CADPS2: variants seen among roughly 807,000 people sequenced by gnomAD.
CADPS2 encodes calcium dependent secretion activator 2, also known as calcium-dependent secretion activator 2.
CADPS2 carries 93 observed loss-of-function variants against 172.5 expected under a neutral mutation model. The observed-to-expected ratio is 0.54, with a 90% CI of 0.46 to 0.64. The LOEUF is 0.64. Ranked by LOEUF, CADPS2 falls within the 30% of genes least tolerant of loss-of-function variation. CADPS2 has a pLI of 0.00. For missense variants in CADPS2, 1,420 were observed against 1,565.9 expected (o/e 0.91, Z 1.57); for synonymous variants, 546 against 555.2 (o/e 0.98, Z 0.23).
intron 1 of CADPS2, among the ~76,000 whole-genome samples, chr7:122,860,758 G>A (rs1301050377): frequency 6.6e-6 from 1 of 151,870 alleles, no homozygotes; most frequent in Admixed American, 6.6e-5. Context: ...CCCAGCCCTT[G>A]GTAACCACTA....
At chr7:122,631,374 T>G (rs576669795) in intron 3 of CADPS2, among the ~76,000 whole-genome samples, 1 of 152,184 alleles carries the variant, frequency 6.6e-6, no homozygotes, top group Non-Finnish European at 1.5e-5. Flanking sequence ...CTTACTTAAG[T>G]GTAAGTGAAA....
intron 19 of CADPS2, chr7:122,409,565 T>C: frequency 2.3e-6 from 1 of 443,894 alleles, no homozygotes. Context: ...TCTCAAGTTG[T>C]ACTCCTGATG....
intron 7 of CADPS2, among the ~76,000 whole-genome samples, chr7:122,555,133 T>C (rs951312390): frequency 7.2e-5 from 11 of 152,108 alleles, no homozygotes; most frequent in African/African-American, 2.7e-4. Flanking sequence ...AATATTATCA[T>C]TGTAAAATAG....
chr7:122,639,410 A>T (rs2077377460), intron 3 of CADPS2, among the ~76,000 whole-genome samples: 1 of 152,222 alleles, frequency 6.6e-6, no homozygotes, highest in South Asian at 2.1e-4. Flanking sequence ...TGCTCTTCCC[A>T]GTTTTCCCTA....
chr7:122,496,203 C>T (rs763557858), intron 9 of CADPS2, among the ~76,000 whole-genome samples: 1 of 151,954 alleles, frequency 6.6e-6, no homozygotes, highest in Admixed American at 6.6e-5. Context: ...GCTCTGTAGC[C>T]CAGGCTGGAG....
intron 27 of CADPS2, among the ~76,000 whole-genome samples, chr7:122,350,935 T>C (rs970515989): frequency 4.6e-5 from 7 of 151,974 alleles, no homozygotes; most frequent in African/African-American, 1.7e-4. Flanking sequence ...CCCTCTAGCC[T>C]GGGTGACAAA....
In CADPS2 at chr7:122,695,570, G is replaced by C. The variant is rs188175355; in HGVS notation, c.454-32001C>G. On this transcript the variant is annotated intron_variant, in intron 2 of 29. Transcript: ENST00000449022. ...GACATAAAAGAAACAGCTATGTAAA[G>C]TGCTTAGTCCTCTACCTGGCACATG... Among the ~76,000 whole-genome samples the C allele has an allele frequency of 4.2e-3, 646 of 152,274 alleles. 1 individual carries two copies. Among genetic ancestry groups the C allele is most frequent in the Non-Finnish European group, 7.3e-3 (497 of 68,020 alleles).
rs558983995 is a variant in CADPS2, at chr7:122,809,646, G to C, written c.340-72578C>G. 2.0e-5 allele frequency among the ~76,000 whole-genome samples: 3 copies of C among 151,334 alleles called. No homozygotes were observed. In the East Asian group the frequency reaches 5.8e-4, roughly 29 times the overall value. On this transcript the variant is annotated intron_variant, in intron 1 of 29. Coordinates refer to ENST00000449022, the MANE Select transcript of CADPS2 (RefSeq NM_017954.11). Reference sequence around the variant, plus strand: ...ATGATGTTCCCCAGTTAAATATTTTGGTCTAATTTGGCAATTTTATAATGG... The same window carrying C: ...ATGATGTTCCCCAGTTAAATATTTTCGTCTAATTTGGCAATTTTATAATGG...
chr7:122,863,723 G>GA (rs1817558972), intron 1 of CADPS2, among the ~76,000 whole-genome samples: 1 of 152,154 alleles, frequency 6.6e-6, no homozygotes, highest in South Asian at 2.1e-4. Context: ...TCAATTTGTA[G>GA]AATCAACAAC....
intron 7 of CADPS2, among the ~76,000 whole-genome samples, chr7:122,555,677 G>T (rs1195254211): frequency 6.6e-6 from 1 of 152,042 alleles, no homozygotes; most frequent in Non-Finnish European, 1.5e-5. Context: ...AACACAAAGT[G>T]ATTGTGAATC....
chr7:122,564,299 C>CTTAT (rs766974397), intron 7 of CADPS2, among the ~76,000 whole-genome samples: 44 of 152,016 alleles, frequency 2.9e-4, no homozygotes, highest in African/African-American at 3.9e-4. Context: ...ATGGAAATTT[C>CTTAT]TTATTTATTT....
At chr7:122,702,704 G>C in intron 2 of CADPS2, 1 of 1,612,310 alleles carries the variant, frequency 6.2e-7, no homozygotes, top group Non-Finnish European at 8.5e-7. Flanking sequence ...CAAAAGTCCA[G>C]ATGAAACAGA....
intron 7 of CADPS2, among the ~76,000 whole-genome samples, chr7:122,569,276 T>A (rs1034199680): frequency 2.6e-5 from 4 of 152,096 alleles, no homozygotes; most frequent in Admixed American, 6.6e-5. Context: ...GAACTCCCAT[T>A]CACAACTGCT....
chr7:122,826,116 G>A (rs538342022), intron 1 of CADPS2, among the ~76,000 whole-genome samples: 2 of 152,252 alleles, frequency 1.3e-5, no homozygotes, highest in East Asian at 3.9e-4. Flanking sequence ...AGTAGGCCTA[G>A]TGGAGAGTAG....
chr7:122,492,126 C>T (rs1477788309), intron 9 of CADPS2, among the ~76,000 whole-genome samples: 9 of 151,780 alleles, frequency 5.9e-5, no homozygotes, highest in South Asian at 2.1e-4. Context: ...GAGACGAGAT[C>T]GCGCCATTGC....
At chr7:122,371,386 G>GGCAT (rs758832797) in intron 25 of CADPS2, among the ~76,000 whole-genome samples, 125 of 151,628 alleles carry the variant, frequency 8.2e-4, no homozygotes, top group Non-Finnish European at 1.3e-3. Context: ...AGGAAAAGCA[G>GGCAT]GCATCTTCTT....
chr7:122,542,325 C>T (rs143958199), intron 8 of CADPS2, among the ~76,000 whole-genome samples: 2 of 152,196 alleles, frequency 1.3e-5, no homozygotes, highest in African/African-American at 4.8e-5. Context: ...ATTAACATTT[C>T]ATTATTCATA....
At chr7:122,421,820 T>C (rs771891621) in intron 17 of CADPS2, among the ~76,000 whole-genome samples, 1 of 152,182 alleles carries the variant, frequency 6.6e-6, no homozygotes, top group Non-Finnish European at 1.5e-5. Context: ...CAAAGATGCA[T>C]CAATAAGAAG....
rs2092194736 is a variant in CADPS2, at chr7:122,736,943, C to T, written c.453+12G>A. ...GCATCGGAAAGCCAAAAACAAAGCT[C>T]TTCAAACTTACCTCATAATAACTCC... On this transcript the variant is annotated intron_variant, in intron 2 of 29. Coordinates refer to ENST00000449022, the MANE Select transcript of CADPS2 (RefSeq NM_017954.11). The T allele has an allele frequency of 2.8e-6, 4 of 1,454,522 alleles. No individual in the cohort carries two copies. The highest frequency in any genetic ancestry group is 1.7e-4 in the Middle Eastern group (1 of 5,718). 90.1% of individuals were successfully genotyped at this position (1,454,522 alleles called of 1,614,324 possible). A position where few individuals can be genotyped will look rare whatever the true frequency, so the allele number is the denominator to read the frequency against.
Sources: allele counts gnomAD v4.1 joint callset (sites outside exome capture counted in the v4.1 genomes callset), GRCh38; gene constraint gnomAD v4.1.1; transcripts MANE v1.5; gene names NCBI Gene and HGNC (gene_info 2026-07-23, HGNC 2026-07-21).